EXOC6: variants seen among roughly 807,000 people sequenced by gnomAD.
EXOC6 encodes exocyst complex component 6, also known as SEC15-like 1.
A neutral mutation model predicts 112.5 loss-of-function variants in EXOC6; 60 were observed. The observed-to-expected ratio is 0.53, with a 90% CI of 0.43 to 0.66. The LOEUF is 0.66. EXOC6 is among the 30% of genes least tolerant of loss of function. The pLI, the probability that EXOC6 is intolerant of heterozygous loss-of-function variation, is 0.00. For synonymous variants in EXOC6, 295 were observed against 308.0 expected (o/e 0.96, Z 0.44); for missense variants, 855 against 957.1 (o/e 0.89, Z 1.41).
Position 92,902,854 on chromosome 10 carries a change from A to G in EXOC6, c.458+3210A>G, listed in dbSNP as rs1395840788. On this transcript the variant is annotated intron_variant, in intron 5 of 21. Coordinates refer to ENST00000260762, the MANE Select transcript of EXOC6 (RefSeq NM_019053.6). Reference sequence around the variant, plus strand: ...TGTTTTTAGAATTGATATAAATGGAATCTTCTTCACTCCCGATAATGTTTT... The same window carrying G: ...TGTTTTTAGAATTGATATAAATGGAGTCTTCTTCACTCCCGATAATGTTTT... 2.6e-5 allele frequency among the ~76,000 whole-genome samples: 4 copies of G among 152,128 alleles called. No individual in the cohort carries two copies. The East Asian group carries it at 7.7e-4, about 29-fold the overall frequency.
intron 6 of EXOC6, among the ~76,000 whole-genome samples, chr10:92,910,653 G>C (rs939579345): frequency 2.0e-5 from 3 of 152,064 alleles, no homozygotes; most frequent in African/African-American, 7.2e-5. Flanking sequence ...ATTTGGGGCC[G>C]GGCGGGGTGG....
chr10:93,007,490 A>C (rs1349117854), intron 19 of EXOC6, among the ~76,000 whole-genome samples: 2 of 151,832 alleles, frequency 1.3e-5, no homozygotes, highest in African/African-American at 4.8e-5. Flanking sequence ...GTCTCTATTA[A>C]AAATACAAAA....
intron 1 of EXOC6, among the ~76,000 whole-genome samples, chr10:92,882,220 A>C (rs1849001306): frequency 6.6e-6 from 1 of 152,122 alleles, no homozygotes; most frequent in South Asian, 2.1e-4. Flanking sequence ...TTGAGTGGCT[A>C]CTTTGAGCAA....
intron 19 of EXOC6, among the ~76,000 whole-genome samples, chr10:93,009,278 A>G (rs945588818): frequency 6.6e-6 from 1 of 152,238 alleles, no homozygotes; most frequent in Non-Finnish European, 1.5e-5. Context: ...TTATTGCAGA[A>G]CATTCTCTTG....
intron 20 of EXOC6, among the ~76,000 whole-genome samples, chr10:93,049,143 C>T (rs1216876144): frequency 2.6e-5 from 4 of 151,992 alleles, no homozygotes; most frequent in African/African-American, 9.6e-5. Flanking sequence ...CTGCAAGCTC[C>T]GCCTCCTAGG....
chr10:93,033,461 ATT>A (rs1327817595), intron 20 of EXOC6, among the ~76,000 whole-genome samples: 2 of 152,164 alleles, frequency 1.3e-5, no homozygotes, highest in Admixed American at 1.3e-4. Flanking sequence ...TTTATTCTGT[ATT>A]TTGGAGACAG....
rs1851048371 is a variant in EXOC6 at position 92,915,780 on chromosome 10, G to A, written c.686G>A (p.Ser229Asn). The A allele has an allele frequency of 6.5e-7, 1 of 1,534,342 alleles. No individual in the cohort carries two copies. Among genetic ancestry groups the A allele is most frequent in the African/African-American group, 1.4e-5 (1 of 69,336 alleles). The change falls in exon 7 of 22, where the codon AGT (serine) becomes AAT (asparagine). Residue 229 changes from serine to asparagine, a missense_variant. Physicochemically the swap from Ser to Asn is conservative, Grantham distance 46. This residue lies in a region of EXOC6 where 405 missense variants were observed against 393.6 expected (regional missense o/e 1.03). Coordinates refer to ENST00000260762, the MANE Select transcript of EXOC6 (RefSeq NM_019053.6). ...MKQAQHQKTF[S>N]VSLQKQNKMK... ...TAGGCACAGCATCAGAAAACCTTCAGTGTTTCTCTGCAGAAACAAAATAAA... is the reference window on the plus strand; with the variant it reads ...TAGGCACAGCATCAGAAAACCTTCAATGTTTCTCTGCAGAAACAAAATAAA...
chr10:92,874,102 T>C (rs1848580249), intron 1 of EXOC6, among the ~76,000 whole-genome samples: 1 of 151,904 alleles, frequency 6.6e-6, no homozygotes, highest in South Asian at 2.1e-4. Flanking sequence ...TTGGATTCTA[T>C]GTATATACAT....
At chr10:92,924,861 C>T (rs993667465) in intron 8 of EXOC6, among the ~76,000 whole-genome samples, 1 of 152,122 alleles carries the variant, frequency 6.6e-6, no homozygotes, top group Non-Finnish European at 1.5e-5. Context: ...CATTATACCA[C>T]TCCACATGCC....
rs1850044853 is a variant in EXOC6, at chr10:92,899,612, C to A, written c.426C>A (p.Tyr142Ter). 6.2e-7 allele frequency: 1 copy of A among 1,606,286 alleles called. No individual in the cohort carries two copies. The highest frequency in any genetic ancestry group is 8.5e-7 in the Non-Finnish European group (1 of 1,176,108). The change falls in exon 5 of 22, where the codon TAC becomes TAA. Residue 142 changes from tyrosine (Y) to a stop codon, truncating the protein, a stop_gained. Coordinates refer to ENST00000260762, the MANE Select transcript of EXOC6 (RefSeq NM_019053.6). LOFTEE classifies it high-confidence loss of function. ...TTTTTAATGCAGTGCTAGAAATGTA[C>A]AGTAAGCTGAAAGAACAGATGAGTG... ...LQLCLPVLEM[Y>*]SKLKEQMSAK...
intron 16 of EXOC6, 106 bp downstream of exon 16, chr10:92,954,847 A>T: frequency 1.8e-6 from 1 of 567,458 alleles, no homozygotes; most frequent in South Asian, 2.5e-5. Flanking sequence ...TTTTAAATGT[A>T]TTAATATAAG....
upstream of EXOC6, among the ~76,000 whole-genome samples, chr10:92,830,163 C>T (rs1846450031): frequency 6.6e-6 from 1 of 152,056 alleles, no homozygotes; most frequent in Non-Finnish European, 1.5e-5. Context: ...ATGGATTTGC[C>T]TCAAATTTCT....
At chr10:93,020,013 A>G (rs1016980785) in intron 20 of EXOC6, among the ~76,000 whole-genome samples, 1 of 152,172 alleles carries the variant, frequency 6.6e-6, no homozygotes, top group Non-Finnish European at 1.5e-5. Flanking sequence ...ACTAAAATTT[A>G]TTTTACAAAT....
chr10:92,837,151 C>T (rs1317381305), intron 1 of EXOC6, among the ~76,000 whole-genome samples: 1 of 146,684 alleles, frequency 6.8e-6, no homozygotes, highest in Non-Finnish European at 1.5e-5. Flanking sequence ...AGAACAAATG[C>T]TCTGAATTCT....
At chr10:92,840,935 G>C (rs967645406) in intron 1 of EXOC6, among the ~76,000 whole-genome samples, 2 of 152,260 alleles carry the variant, frequency 1.3e-5, no homozygotes, top group Admixed American at 1.3e-4. Flanking sequence ...TGGGATTACA[G>C]GTGTGTGCCA....
chr10:92,967,038 A>G (rs909282461), intron 17 of EXOC6, among the ~76,000 whole-genome samples: 1 of 150,518 alleles, frequency 6.6e-6, no homozygotes, highest in Non-Finnish European at 1.5e-5. Flanking sequence ...TCTGATGGCC[A>G]GTGATGATGA....
intron 1 of EXOC6, among the ~76,000 whole-genome samples, chr10:92,890,251 C>T (rs1250695693): frequency 6.6e-6 from 1 of 152,026 alleles, no homozygotes; most frequent in Non-Finnish European, 1.5e-5. Flanking sequence ...GTGTGTTTAA[C>T]TTCAAATTCT....
intron 20 of EXOC6, among the ~76,000 whole-genome samples, chr10:93,052,951 G>A (rs1036596812): frequency 6.6e-6 from 1 of 152,172 alleles, no homozygotes; most frequent in Non-Finnish European, 1.5e-5. Context: ...AAGAGATTTT[G>A]TGTGATTAAT....
intron 6 of EXOC6, among the ~76,000 whole-genome samples, chr10:92,913,601 A>G (rs7903878): frequency 0.022 from 3,343 of 152,248 alleles, 56 homozygotes; most frequent in African/African-American, 0.041. Context: ...TTTCCTCCCA[A>G]AAGCGGGCTT....
Sources: gnomAD v4.1 joint callset for allele counts (sites outside exome capture counted in the v4.1 genomes callset) on GRCh38, gnomAD v4.1.1 for gene constraint, gnomAD v4.1.1 regional missense constraint, MANE v1.5 for transcripts, NCBI Gene and HGNC (gene_info 2026-07-23, HGNC 2026-07-21) for gene names.